The following AGBL4 variants were observed in gnomAD, a reference collection of about 807,000 sequenced individuals.
AGBL4 encodes the protein cytosolic carboxypeptidase 6.
In AGBL4, 58 loss-of-function variants were observed where a neutral mutation model predicts 66.4. That is an observed-to-expected ratio of 0.87 (90% CI 0.71 to 1.09). The LOEUF (loss-of-function observed/expected upper bound fraction) is 1.09, where lower values mean the gene tolerates loss of function less well. Among genes scored for constraint, AGBL4 ranks in the 50% least tolerant of loss-of-function variants. The pLI is 0.00. For synonymous variants in AGBL4, 234 were observed against 222.9 expected (o/e 1.05, Z -0.44); for missense variants, 579 against 631.0 (o/e 0.92, Z 0.88).
At chr1:49,499,113 G>T (rs1165767294) in intron 3 of AGBL4, among the ~76,000 whole-genome samples, 1 of 151,604 alleles carries the variant, frequency 6.6e-6, no homozygotes, top group Non-Finnish European at 1.5e-5. Flanking sequence ...CAATTTTTTG[G>T]GAGTCCTTAA....
chr1:48,749,487 T>A (rs11588373), intron 6 of AGBL4, among the ~76,000 whole-genome samples: 48,647 of 152,162 alleles, frequency 0.32, 10,201 homozygotes, highest in Non-Finnish European at 0.48. Flanking sequence ...AGAAGTCACA[T>A]AGGTGGTGAG....
chr1:48,598,872 CT>C lies in AGBL4; in HGVS notation c.952-7888del, dbSNP rs1265116432. On this transcript the variant is annotated intron_variant, in intron 9 of 13. Transcript: ENST00000371839. Reference sequence around the variant, plus strand: ...CTTTATAAACTTTTAATTTTTTAAACTTTTTGACTCTTGTAATAACACTTAG... The same window carrying C: ...CTTTATAAACTTTTAATTTTTTAAACTTTTGACTCTTGTAATAACACTTAG... Among the ~76,000 whole-genome samples the C allele has an allele frequency of 4.6e-5, 7 of 152,228 alleles. No homozygotes were observed. The East Asian group carries it at 1.4e-3, about 29-fold the overall frequency.
chr1:48,717,940 G>A (rs1288833860), intron 6 of AGBL4, among the ~76,000 whole-genome samples: 2 of 152,146 alleles, frequency 1.3e-5, no homozygotes, highest in African/African-American at 4.8e-5. Context: ...TTAAATGTAT[G>A]AATTATTTGC....
chr1:49,194,863 G>A (rs373287278), intron 4 of AGBL4, among the ~76,000 whole-genome samples: 1 of 150,610 alleles, frequency 6.6e-6, no homozygotes, highest in African/African-American at 2.4e-5. Context: ...TTTGAGTCAG[G>A]GTATTTCTCT....
chr1:49,555,248 T>C (rs1289874259), intron 3 of AGBL4, among the ~76,000 whole-genome samples: 1 of 151,554 alleles, frequency 6.6e-6, no homozygotes, highest in African/African-American at 2.4e-5. Flanking sequence ...GATTGGTGCA[T>C]TGACAATCCT....
chr1:49,021,005 G>C (rs1238015811), intron 5 of AGBL4, among the ~76,000 whole-genome samples: 1 of 152,166 alleles, frequency 6.6e-6, no homozygotes, highest in Non-Finnish European at 1.5e-5. Context: ...AGACAAACTA[G>C]AGCTTCAGAC....
intron 3 of AGBL4, among the ~76,000 whole-genome samples, chr1:49,410,252 C>T (rs1210403165): frequency 1.3e-5 from 2 of 152,182 alleles, no homozygotes; most frequent in Non-Finnish European, 2.9e-5. Flanking sequence ...CCGAGCACGA[C>T]TAGAAACCCG....
intron 2 of AGBL4, among the ~76,000 whole-genome samples, chr1:49,739,322 G>C (rs182428177): frequency 1.4e-4 from 21 of 152,216 alleles, no homozygotes; most frequent in Non-Finnish European, 2.9e-4. Context: ...AAGATCAAAT[G>C]AATGAAATGA....
At chr1:48,859,413 T>G (rs569078722) in intron 6 of AGBL4, among the ~76,000 whole-genome samples, 3 of 152,328 alleles carry the variant, frequency 2.0e-5, no homozygotes, top group Non-Finnish European at 4.4e-5. Flanking sequence ...TCCAGTGGGA[T>G]TAAGTCCCAG....
intron 1 of AGBL4, among the ~76,000 whole-genome samples, chr1:49,856,620 C>CA (rs1264778897): frequency 6.6e-6 from 1 of 152,040 alleles, no homozygotes; most frequent in Non-Finnish European, 1.5e-5. Flanking sequence ...GAATGAAGGA[C>CA]AAAAACTGTA....
intron 3 of AGBL4, among the ~76,000 whole-genome samples, chr1:49,487,808 C>T (rs528310788): frequency 6.6e-6 from 1 of 151,948 alleles, no homozygotes; most frequent in African/African-American, 2.4e-5. Flanking sequence ...TGGCATCAGG[C>T]AGCTAGTAAA....
intron 4 of AGBL4, among the ~76,000 whole-genome samples, chr1:49,152,063 C>T (rs2148121802): frequency 6.6e-6 from 1 of 151,716 alleles, no homozygotes; most frequent in South Asian, 2.1e-4. Flanking sequence ...TGTCAAGTAT[C>T]TTACATATAC....
intron 3 of AGBL4, among the ~76,000 whole-genome samples, chr1:49,569,887 C>CAAA: frequency 6.6e-6 from 1 of 152,148 alleles, no homozygotes; most frequent in Non-Finnish European, 1.5e-5. Context: ...CCTCCAGTTC[C>CAAA]ATACATGCTG....
At chr1:49,660,196 T>C (rs1300311210) in intron 3 of AGBL4, among the ~76,000 whole-genome samples, 1 of 152,094 alleles carries the variant, frequency 6.6e-6, no homozygotes, top group African/African-American at 2.4e-5. Flanking sequence ...ATTTTTTCAA[T>C]CTATCCTTCT....
At chr1:48,895,149 T>A (rs1651378959) in intron 5 of AGBL4, among the ~76,000 whole-genome samples, 1 of 152,240 alleles carries the variant, frequency 6.6e-6, no homozygotes, top group African/African-American at 2.4e-5. Flanking sequence ...CTTTTTCTTC[T>A]TCCTTCTCCT....
chr1:49,636,902 T>A (rs910611108), intron 3 of AGBL4, among the ~76,000 whole-genome samples: 1 of 152,196 alleles, frequency 6.6e-6, no homozygotes, highest in African/African-American at 2.4e-5. Flanking sequence ...GTGAAGGTAT[T>A]GCCAAAGGAG....
intron 1 of AGBL4, among the ~76,000 whole-genome samples, chr1:49,968,514 G>A (rs1657765778): frequency 1.3e-5 from 2 of 152,126 alleles, no homozygotes; most frequent in Non-Finnish European, 1.5e-5. Context: ...TTTTGGCAGA[G>A]CTAAAAATTG....
chr1:49,807,920 A>G (rs1350988548), intron 2 of AGBL4, among the ~76,000 whole-genome samples: 1 of 152,212 alleles, frequency 6.6e-6, no homozygotes, highest in Non-Finnish European at 1.5e-5. Flanking sequence ...GTGAGAGGGC[A>G]TCATCTATTA....
chr1:49,842,029 C>A, intron 2 of AGBL4: 1 of 394,264 alleles, frequency 2.5e-6, no homozygotes, highest in South Asian at 2.5e-5. Flanking sequence ...AGCCCATATT[C>A]ACGTGCAGCC....
Sources: gnomAD v4.1 joint callset for allele counts (sites outside exome capture counted in the v4.1 genomes callset) on GRCh38, gnomAD v4.1.1 for gene constraint, MANE v1.5 for transcripts, NCBI Gene and HGNC (gene_info 2026-07-23, HGNC 2026-07-21) for gene names.